STK25: variants seen among roughly 807,000 people sequenced by gnomAD.
STK25 encodes serine/threonine-protein kinase 25.
STK25 carries 29 observed loss-of-function variants against 53.8 expected under a neutral mutation model. The ratio of observed to expected loss-of-function variants is 0.54; its 90% CI spans 0.40 to 0.74. The LOEUF is 0.74. Ranked by LOEUF, STK25 falls within the 30% of genes least tolerant of loss-of-function variation. The pLI, the probability that STK25 is intolerant of heterozygous loss-of-function variation, is 0.00. For missense variants in STK25, 420 were observed against 568.0 expected (o/e 0.74, Z 2.65); for synonymous variants, 247 against 238.3 (o/e 1.04, Z -0.33).
chr2:241,508,105 C>G lies in STK25; in HGVS notation c.-70G>C, dbSNP rs999315151. The G allele has an allele frequency of 1.3e-6, 2 of 1,544,148 alleles. No homozygotes were observed. The highest frequency in any genetic ancestry group is 1.7e-6 in the Non-Finnish European group (2 of 1,146,022). On this transcript the variant is annotated 5_prime_UTR_variant, in exon 2 of 12. Transcript: ENST00000316586. ...CTGGATCCCGCGGAGAGGCGCGGAG[C>G]CGGCTAGCTCGCCCCTGCGGCGTCA...
In STK25 at chr2:241,493,329, T is replaced by C; in HGVS notation, c.*2333A>G. The C allele has an allele frequency of 1.9e-6, 3 of 1,613,992 alleles. No homozygotes were observed. The highest frequency in any genetic ancestry group is 2.5e-6 in the Non-Finnish European group (3 of 1,179,990). On this transcript the variant is annotated 3_prime_UTR_variant, in exon 12 of 12. Coordinates refer to ENST00000316586, the MANE Select transcript of STK25 (RefSeq NM_001271977.2). Reference sequence around the variant, plus strand: ...ACTGGCCAGCCTCCCGCTGCTGGGCTACAGCGTGAGCATCCCCAGGGAGGC... The same window carrying C: ...ACTGGCCAGCCTCCCGCTGCTGGGCCACAGCGTGAGCATCCCCAGGGAGGC...
intron 2 of STK25, among the ~76,000 whole-genome samples, chr2:241,505,813 C>T (rs964303410): frequency 3.3e-5 from 5 of 152,216 alleles, no homozygotes; most frequent in Non-Finnish European, 7.3e-5. Flanking sequence ...CCACCCCCAC[C>T]TGGAGAAGAA....
chr2:241,507,125 G>A (rs7563306), intron 2 of STK25, among the ~76,000 whole-genome samples: 35,734 of 152,102 alleles, frequency 0.23, 5,523 homozygotes, highest in East Asian at 0.68. Flanking sequence ...CGATTCCAAC[G>A]CCTTAGGTAG....
Position 241,498,792 on chromosome 2 carries a change from G to A in STK25, c.772-8C>T, listed in dbSNP as rs762572606. The A allele has an allele frequency of 3.7e-6, 6 of 1,613,820 alleles. No individual in the cohort carries two copies. The highest frequency in any genetic ancestry group is 5.1e-6 in the Non-Finnish European group (6 of 1,179,886). On this transcript the variant is annotated splice_region_variant and splice_polypyrimidine_tract_variant and intron_variant, in intron 7 of 11. Transcript: ENST00000316586. ...CTCCTTGGCCGTGGGCCGCTGCAGGGGGTCAGGGGAACACTAGTCACTGGG... is the reference window on the plus strand; with the variant it reads ...CTCCTTGGCCGTGGGCCGCTGCAGGAGGTCAGGGGAACACTAGTCACTGGG...
In STK25 at chr2:241,500,865, C is replaced by T. The variant is rs80029811; in HGVS notation, c.262-69G>A. 1.1e-3 allele frequency: 1,655 copies of T among 1,544,050 alleles called. 13 individuals carry two copies. The African/African-American group carries it at 0.019, about 17-fold the overall frequency. Reference sequence around the variant, plus strand: ...AGGGCATGCTCCAGGGTGGGAGTCACAGGCCGGAGTCAGCCAGGGCCCAGG... The same window carrying T: ...AGGGCATGCTCCAGGGTGGGAGTCATAGGCCGGAGTCAGCCAGGGCCCAGG... On this transcript the variant is annotated intron_variant, in intron 3 of 11. Transcript: ENST00000316586.
Position 241,500,165 on chromosome 2 carries a change from A to G in STK25, c.427+8T>C, listed in dbSNP as rs1394546979. 1 of 1,611,916 alleles carries G rather than the reference A, an allele frequency of 6.2e-7. No homozygotes were observed. The highest frequency in any genetic ancestry group is 1.1e-5 in the South Asian group (1 of 91,028). ...CGTTACAAGAGCCACATCCACCCCC[A>G]GCAGGACCTTTGATGTCTCGGTGGA... On this transcript the variant is annotated splice_region_variant and intron_variant, in intron 5 of 11. Coordinates refer to ENST00000316586, the MANE Select transcript of STK25 (RefSeq NM_001271977.2).
At position 241,495,486 on chromosome 2, in the gene STK25, A is replaced by G. The variant is rs778038159; in HGVS notation, c.*176T>C. The G allele has an allele frequency of 1.5e-6, 1 of 646,586 alleles. No homozygotes were observed. The highest frequency in any genetic ancestry group is 1.8e-5 in the African/African-American group (1 of 55,478). 40.1% of individuals were successfully genotyped at this position (646,586 alleles called of 1,614,324 possible). The stretch of plus-strand genomic sequence containing the variant: ...GCGTCCCTGACGTGCACAACAGCAC[A>G]CTGCAGGGGTGGAAGGAGACGGTGA... On this transcript the variant is annotated 3_prime_UTR_variant, in exon 12 of 12. Coordinates refer to ENST00000316586, the MANE Select transcript of STK25 (RefSeq NM_001271977.2).
In STK25 at chr2:241,499,756, C is replaced by T. The variant is rs538790442; in HGVS notation, c.428-342G>A. On this transcript the variant is annotated intron_variant, in intron 5 of 11. Coordinates refer to ENST00000316586, the MANE Select transcript of STK25 (RefSeq NM_001271977.2). The stretch of plus-strand genomic sequence containing the variant: ...CACGGGCCTGCCAGGAAGCCCCCTG[C>T]TCCACCAGAATCGTCCCCTACATGA... 511 of 478,186 alleles carry T rather than the reference C, an allele frequency of 1.1e-3. 5 individuals carry two copies. The highest frequency in any genetic ancestry group is 0.01 in the South Asian group (480 of 46,688). The allele number at this position is 478,186 out of a possible 1,614,324, so 29.6% of individuals were successfully genotyped here.
intron 2 of STK25, among the ~76,000 whole-genome samples, chr2:241,502,623 G>A (rs1343066133): frequency 2.0e-5 from 3 of 151,848 alleles, no homozygotes; most frequent in Non-Finnish European, 4.4e-5. Context: ...CCTGTGATCC[G>A]AGCTACTTGA....
Position 241,493,901 on chromosome 2 carries a change from G to A in STK25, c.*1761C>T, listed in dbSNP as rs755517051. On this transcript the variant is annotated 3_prime_UTR_variant, in exon 12 of 12. Coordinates refer to ENST00000316586, the MANE Select transcript of STK25 (RefSeq NM_001271977.2). ...CATGAGCCACCGCACCCGGCCCCAG[G>A]TTTTTAACCCTTCTTTTGTCCTGCT... 231 of 710,226 alleles carry A rather than the reference G, an allele frequency of 3.3e-4. 1 individual carries two copies. Among genetic ancestry groups the A allele is most frequent in the Non-Finnish European group, 4.3e-4 (198 of 456,024 alleles). The allele number at this position is 710,226 out of a possible 1,614,324, so 44.0% of individuals were successfully genotyped here.
Position 241,495,164 on chromosome 2 carries a change from G to GCAGA in STK25, c.*494_*497dup, listed in dbSNP as rs1443833329. 1 of 155,634 alleles carries GCAGA rather than the reference G, an allele frequency of 6.4e-6. No individual in the cohort carries two copies. Among genetic ancestry groups the GCAGA allele is most frequent in the Non-Finnish European group, 1.4e-5 (1 of 70,550 alleles). 9.6% of individuals were successfully genotyped at this position (155,634 alleles called of 1,614,324 possible). A position where few individuals can be genotyped will look rare whatever the true frequency, so the allele number is the denominator to read the frequency against. The stretch of plus-strand genomic sequence containing the variant: ...TTCTGGATGACACAAGTACTTATGA[G>GCAGA]CAGACACAGTACCTGATCCAACACC... On this transcript the variant is annotated 3_prime_UTR_variant, in exon 12 of 12. Transcript: ENST00000316586.
chr2:241,494,341 G>T lies in STK25; in HGVS notation c.*1321C>A. Reference sequence around the variant, plus strand: ...TGCCAGCAGCTATCTGGGGCCCTGGGAAAAATGTGCGAGTCTTGAGCGCGG... The same window carrying T: ...TGCCAGCAGCTATCTGGGGCCCTGGTAAAAATGTGCGAGTCTTGAGCGCGG... On this transcript the variant is annotated 3_prime_UTR_variant, in exon 12 of 12. Transcript: ENST00000316586. The surrounding 1 kb of genome is among the most constrained non-coding windows in gnomAD (Gnocchi z 4.9). The T allele has an allele frequency of 1.7e-5, 6 of 363,228 alleles. No individual in the cohort carries two copies. Among genetic ancestry groups the T allele is most frequent in the African/African-American group, 2.1e-5 (1 of 47,468 alleles). The allele number at this position is 363,228 out of a possible 1,614,324, so 22.5% of individuals were successfully genotyped here. A position where few individuals can be genotyped will look rare whatever the true frequency, so the allele number is the denominator to read the frequency against.
In STK25 at chr2:241,493,555, C is replaced by T. The variant is rs1559820692; in HGVS notation, c.*2107G>A. On this transcript the variant is annotated 3_prime_UTR_variant, in exon 12 of 12. Transcript: ENST00000316586. ...TTTTCTGGGCCCTGGAAAGGAAGGG[C>T]TGAGCAATGCTTCCAGCATTTCCAA... is the stretch of plus-strand genomic sequence containing the variant. 1 of 930,344 alleles carries T rather than the reference C, an allele frequency of 1.1e-6. No individual in the cohort carries two copies. Among genetic ancestry groups the T allele is most frequent in the Non-Finnish European group, 1.7e-6 (1 of 598,310 alleles). The allele number at this position is 930,344 out of a possible 1,614,324, so 57.6% of individuals were successfully genotyped here.
At position 241,508,108 on chromosome 2, in the gene STK25, G is replaced by C; in HGVS notation, c.-73C>G. 3 of 1,543,324 alleles carry C rather than the reference G, an allele frequency of 1.9e-6. No individual in the cohort carries two copies. The highest frequency in any genetic ancestry group is 2.6e-6 in the Non-Finnish European group (3 of 1,145,608). The stretch of plus-strand genomic sequence containing the variant: ...GATCCCGCGGAGAGGCGCGGAGCCG[G>C]CTAGCTCGCCCCTGCGGCGTCAGTC... On this transcript the variant is annotated 5_prime_UTR_variant, in exon 2 of 12. Transcript: ENST00000316586.
chr2:241,499,374 C>T lies in STK25; in HGVS notation c.468G>A (p.Leu156=), dbSNP rs34490086. The T allele has an allele frequency of 2.8e-4, 449 of 1,613,934 alleles. 4 individuals are homozygous for T. The Admixed American group carries it at 7.4e-3, about 26-fold the overall frequency. The stretch of plus-strand genomic sequence containing the variant: ...GCTGCCCTGCTACCCCAAAGTCCGC[C>T]AGCTTCACGTCACCCTGCTCCGAGA... ...VLLSEQGDVK[L]ADFGVAGQLT... The change falls in exon 6 of 12, where the codon CTG becomes CTA. Residue 156 remains leucine, a synonymous_variant. Coordinates refer to ENST00000316586, the MANE Select transcript of STK25 (RefSeq NM_001271977.2).
At chr2:241,503,964 G>A in intron 2 of STK25, 1 of 467,564 alleles carries the variant, frequency 2.1e-6, no homozygotes, top group South Asian at 1.6e-5. Flanking sequence ...ACACTTCCGT[G>A]TGAAACTGCC....
Position 241,501,856 on chromosome 2 carries a change from T to C in STK25, c.31-148A>G. The C allele has an allele frequency of 6.4e-6, 4 of 620,362 alleles. No individual in the cohort carries two copies. Among genetic ancestry groups the C allele is most frequent in the Non-Finnish European group, 1.1e-5 (4 of 355,944 alleles). The allele number at this position is 620,362 out of a possible 1,614,324, so 38.4% of individuals were successfully genotyped here. On this transcript the variant is annotated intron_variant, in intron 2 of 11. Coordinates refer to ENST00000316586, the MANE Select transcript of STK25 (RefSeq NM_001271977.2). The surrounding 1 kb of genome is among the most constrained non-coding windows in gnomAD (Gnocchi z 5.3). ...CCTCAATTCTTCTCTGGTTTCTTCC[T>C]TTCTCCCTTTTTGTTCAAAAACTAA...
At position 241,499,491 on chromosome 2, in the gene STK25, G is replaced by A. The variant is rs2065377139; in HGVS notation, c.428-77C>T. On this transcript the variant is annotated intron_variant, in intron 5 of 11. Transcript: ENST00000316586. ...CCCGGGCCCCCTGAGAAGGGCCAGG[G>A]TACCATCCACCTGGCCTCCTAGGGC... The A allele has an allele frequency of 2.6e-6, 4 of 1,529,026 alleles. No homozygotes were observed. In the East Asian group the frequency reaches 7.1e-5, roughly 27 times the overall value. The allele number at this position is 1,529,026 out of a possible 1,614,324, so 94.7% of individuals were successfully genotyped here.
In STK25 at chr2:241,501,863, CT is replaced by C; in HGVS notation, c.31-156del. The C allele has an allele frequency of 1.6e-6, 1 of 617,680 alleles. No individual in the cohort carries two copies. The highest frequency in any genetic ancestry group is 2.8e-6 in the Non-Finnish European group (1 of 354,088). The allele number at this position is 617,680 out of a possible 1,614,324, so 38.3% of individuals were successfully genotyped here. ...TCTTCTCTGGTTTCTTCCTTTCTCC[CT>C]TTTTGTTCAAAAACTAAACTTGGCC... On this transcript the variant is annotated intron_variant, in intron 2 of 11. Transcript: ENST00000316586. This position sits in a 1 kb window ranked among gnomAD's most constrained non-coding sequence, Gnocchi z 5.3.
Sources: allele counts gnomAD v4.1 joint callset (sites outside exome capture counted in the v4.1 genomes callset), GRCh38; gene constraint gnomAD v4.1.1; non-coding constraint Gnocchi (gnomAD v3.1); transcripts MANE v1.5; gene names NCBI Gene and HGNC (gene_info 2026-07-23, HGNC 2026-07-21).